The following KALRN variants were observed in gnomAD, a reference collection of about 807,000 sequenced individuals.
The protein encoded by KALRN is kalirin RhoGEF kinase.
In KALRN, 70 loss-of-function variants were observed where a neutral mutation model predicts 353.7. That is an observed-to-expected ratio of 0.20 (90% CI 0.16 to 0.24). The LOEUF is 0.24. Among genes scored for constraint, KALRN ranks in the 10% least tolerant of loss-of-function variants. KALRN has a pLI of 1.00. For synonymous variants in KALRN, 1,391 were observed against 1,434.8 expected (o/e 0.97, Z 0.69); for missense variants, 2,791 against 3,756.7 (o/e 0.74, Z 6.72).
In KALRN at chr3:124,059,068, A is replaced by AT. The variant is rs2041800326; in HGVS notation, c.73+25255_73+25256insT. 3.3e-5 allele frequency among the ~76,000 whole-genome samples: 5 copies of AT among 152,278 alleles called. No homozygotes were observed. In the East Asian group the frequency reaches 9.6e-4, roughly 29 times the overall value. ...AGACTCTCATTATAGAAGAAAAAAA[A>AT]GGAATTGTGTAGTGTGGAGGTCCTT... On this transcript the variant is annotated intron_variant, in intron 1 of 59. Transcript: ENST00000682506.
At chr3:124,323,593 CCT>C (rs2079568542) in intron 6 of KALRN, among the ~76,000 whole-genome samples, 1 of 152,068 alleles carries the variant, frequency 6.6e-6, no homozygotes, top group Non-Finnish European at 1.5e-5. Flanking sequence ...AATATGCCTC[CCT>C]GTGTGCCATG....
chr3:124,598,584 CCTT>C (rs1323426839), intron 34 of KALRN, among the ~76,000 whole-genome samples: 1 of 152,124 alleles, frequency 6.6e-6, no homozygotes. Flanking sequence ...ATATATAGGT[CCTT>C]CTCTCTCTCT....
At chr3:124,115,648 C>T (rs2063386550) in intron 1 of KALRN, among the ~76,000 whole-genome samples, 1 of 152,068 alleles carries the variant, frequency 6.6e-6, no homozygotes, top group Admixed American at 6.6e-5. Context: ...GCTATTTGTT[C>T]CCCCTTCTTT....
At chr3:124,449,042 C>T (rs1034155123) in intron 21 of KALRN, among the ~76,000 whole-genome samples, 4 of 152,206 alleles carry the variant, frequency 2.6e-5, no homozygotes, top group African/African-American at 7.2e-5. Flanking sequence ...ATAACAAACC[C>T]AGTTGAGGAG....
At chr3:124,152,915 G>GTGCTT (rs533858532) in intron 1 of KALRN, 5 of 180,588 alleles carry the variant, frequency 2.8e-5, no homozygotes, top group Middle Eastern at 2.5e-3. Flanking sequence ...GCACCTGGCT[G>GTGCTT]TGCTTTGCTT....
chr3:124,678,022 G>A lies in KALRN; in HGVS notation c.7194-168G>A, dbSNP rs145698810. ...TCCTTGCTCACTTCCAGTTGGAGGC[G>A]AGGTCAGCCGCCAGCCACCCTTGGA... is the stretch of plus-strand genomic sequence containing the variant. On this transcript the variant is annotated intron_variant, in intron 49 of 59. Transcript: ENST00000682506. Among the ~76,000 whole-genome samples, 210 of 152,326 alleles carry A rather than the reference G, an allele frequency of 1.4e-3. 4 individuals are homozygous for A. The East Asian group carries it at 0.036, about 26-fold the overall frequency.
At chr3:124,504,919 G>C in intron 33 of KALRN, 1 of 508,672 alleles carries the variant, frequency 2.0e-6, no homozygotes, top group Non-Finnish European at 4.0e-6. Flanking sequence ...AAGTGGATTA[G>C]CTGGAGACAG....
At chr3:124,584,993 T>TG in intron 34 of KALRN, 2 of 1,213,450 alleles carry the variant, frequency 1.6e-6, no homozygotes, top group Non-Finnish European at 2.3e-6. Flanking sequence ...AGGGAAGGGT[T>TG]GGGGAGGCCT....
intron 6 of KALRN, among the ~76,000 whole-genome samples, chr3:124,313,284 C>A (rs892327127): frequency 2.0e-5 from 3 of 152,160 alleles, no homozygotes; most frequent in African/African-American, 7.2e-5. Flanking sequence ...ACCCCCACCC[C>A]CTGACAAAAA....
chr3:124,674,440 T>C lies in KALRN; in HGVS notation c.7019T>C (p.Ile2340Thr), dbSNP rs1242466422. The stretch of plus-strand genomic sequence containing the variant: ...TACTATGCACTGAAGGAGAATGAAA[T>C]CTGTGTGAGCCAAGGTGAGGTGGTC... ...KDYYALKENE[I>T]CVSQGEVVQV... Residue 2340 changes from isoleucine to threonine, a missense_variant, in exon 49 of 60, where the codon ATC (isoleucine) becomes ACC (threonine). Ile to Thr is a moderately conservative substitution (Grantham distance 89). Coordinates refer to ENST00000682506, the MANE Select transcript of KALRN (RefSeq NM_001388419.1). The C allele has an allele frequency of 6.2e-7, 1 of 1,613,866 alleles. No individual in the cohort carries two copies. Among genetic ancestry groups the C allele is most frequent in the South Asian group, 1.1e-5 (1 of 91,042 alleles).
intron 1 of KALRN, among the ~76,000 whole-genome samples, chr3:124,181,064 C>G (rs35839113): frequency 2.5e-5 from 2 of 78,932 alleles, no homozygotes; most frequent in Non-Finnish European, 5.0e-5. Context: ...AACCCCATCT[C>G]TACTAAAAAT....
intron 33 of KALRN, among the ~76,000 whole-genome samples, chr3:124,527,060 A>T (rs1318106214): frequency 6.6e-6 from 1 of 152,224 alleles, no homozygotes; most frequent in East Asian, 1.9e-4. Flanking sequence ...ATGCTAGATG[A>T]TGATACATGT....
chr3:124,286,754 A>AT (rs1560465531), intron 5 of KALRN, among the ~76,000 whole-genome samples: 1 of 151,930 alleles, frequency 6.6e-6, no homozygotes, highest in East Asian at 1.9e-4. Context: ...CCTTCCCCCC[A>AT]TTTTTTTAAG....
In KALRN at chr3:124,184,187, A is replaced by G. The variant is rs571744685; in HGVS notation, c.74-43803A>G. Reference sequence around the variant, plus strand: ...CTAGAGTCACATGGATCTGGATTTTAATCTGCCTCCACCACTTAGTAGCTC... The same window carrying G: ...CTAGAGTCACATGGATCTGGATTTTGATCTGCCTCCACCACTTAGTAGCTC... On this transcript the variant is annotated intron_variant, in intron 1 of 59. Coordinates refer to ENST00000682506, the MANE Select transcript of KALRN (RefSeq NM_001388419.1). 1.1e-3 allele frequency among the ~76,000 whole-genome samples: 160 copies of G among 152,168 alleles called. 2 individuals carry two copies. Among genetic ancestry groups the G allele is most frequent in the Non-Finnish European group, 1.9e-3 (128 of 68,022 alleles).
intron 10 of KALRN, among the ~76,000 whole-genome samples, chr3:124,365,385 C>T (rs1351730172): frequency 6.6e-6 from 1 of 152,192 alleles, no homozygotes; most frequent in Non-Finnish European, 1.5e-5. Context: ...TCTCTCCCAA[C>T]ACTACAGTAT....
rs542713729 is a variant in KALRN, at chr3:124,724,791, G to C, written c.*5321G>C. 6.6e-6 allele frequency: 1 copy of C among 152,314 alleles called. No individual in the cohort carries two copies. The highest frequency in any genetic ancestry group is 1.5e-5 in the Non-Finnish European group (1 of 68,024). The allele number at this position is 152,314 out of a possible 1,614,324, so 9.4% of individuals were successfully genotyped here. A position where few individuals can be genotyped will look rare whatever the true frequency, so the allele number is the denominator to read the frequency against. ...ATCTTCAATAAATATGAAGAAGTTA[G>C]AGGAGAGGAAAAAGCAATCACTCTA... On this transcript the variant is annotated 3_prime_UTR_variant, in exon 60 of 60. Transcript: ENST00000682506.
intron 1 of KALRN, among the ~76,000 whole-genome samples, chr3:124,189,664 G>T (rs947714299): frequency 1.3e-5 from 2 of 152,118 alleles, no homozygotes; most frequent in South Asian, 2.1e-4. Context: ...ATTAGGCCAG[G>T]TGCGGTGGCT....
At chr3:124,473,925 A>G (rs2061190035) in intron 25 of KALRN, among the ~76,000 whole-genome samples, 1 of 152,232 alleles carries the variant, frequency 6.6e-6, no homozygotes, top group Non-Finnish European at 1.5e-5. Flanking sequence ...TACAGCAAAT[A>G]CCATCCTAAT....
At chr3:124,347,085 G>A in intron 9 of KALRN, 58 bp from the exon 10 acceptor site, 3 of 1,610,386 alleles carry the variant, frequency 1.9e-6, no homozygotes, top group Non-Finnish European at 2.5e-6. Flanking sequence ...TGCACATGTT[G>A]TCACATGTCT....
Sources: allele counts gnomAD v4.1 joint callset (sites outside exome capture counted in the v4.1 genomes callset), GRCh38; gene constraint gnomAD v4.1.1; transcripts MANE v1.5; gene names NCBI Gene and HGNC (gene_info 2026-07-23, HGNC 2026-07-21).